The following WDFY3 variants were observed in gnomAD, a reference collection of about 807,000 sequenced individuals.
WDFY3 encodes the protein WD repeat and FYVE domain-containing protein 3.
WDFY3 carries 66 observed loss-of-function variants against 409.6 expected under a neutral mutation model. That is an observed-to-expected ratio of 0.16 (90% CI 0.13 to 0.20). WDFY3 has a LOEUF of 0.20. Among genes scored for constraint, WDFY3 ranks in the 10% least tolerant of loss-of-function variants. WDFY3 has a pLI of 1.00. For missense variants in WDFY3, 3,031 were observed against 4,298.1 expected (o/e 0.71, Z 8.24); for synonymous variants, 1,521 against 1,537.1 (o/e 0.99, Z 0.25).
At chr4:84,815,025 T>G (rs1753081541) in intron 13 of WDFY3, among the ~76,000 whole-genome samples, 1 of 152,096 alleles carries the variant, frequency 6.6e-6, no homozygotes, top group South Asian at 2.1e-4. Context: ...AACTTGTTTG[T>G]TTTTCTCTTG....
At chr4:84,742,086 C>T (rs1738535201) in intron 37 of WDFY3, among the ~76,000 whole-genome samples, 165 bp from the exon 38 acceptor site, 1 of 152,152 alleles carries the variant, frequency 6.6e-6, no homozygotes, top group African/African-American at 2.4e-5. Context: ...CATTCAATGG[C>T]CAGAAATCAG....
chr4:84,937,041 C>T (rs867451908), intron 1 of WDFY3, among the ~76,000 whole-genome samples: 26 of 152,132 alleles, frequency 1.7e-4, no homozygotes, highest in African/African-American at 5.3e-4. Flanking sequence ...TCCTTATATG[C>T]CTCTAGATGA....
intron 47 of WDFY3, 80 bp from the exon 48 acceptor site, chr4:84,718,650 A>C: frequency 2.0e-6 from 3 of 1,474,046 alleles, no homozygotes; most frequent in Non-Finnish European, 2.7e-6. Context: ...CGGCATCCCT[A>C]GAGCTAAGCA....
chr4:84,691,214 G>C (rs1414550829), intron 60 of WDFY3, among the ~76,000 whole-genome samples: 1 of 152,144 alleles, frequency 6.6e-6, no homozygotes, highest in African/African-American at 2.4e-5. Context: ...GTTGCTTCTT[G>C]TGGGATGGAG....
chr4:84,936,567 T>C (rs1331935188), intron 1 of WDFY3, among the ~76,000 whole-genome samples: 1 of 152,076 alleles, frequency 6.6e-6, no homozygotes, highest in Non-Finnish European at 1.5e-5. Flanking sequence ...AAAATTTTTT[T>C]CCAAATAGCC....
intron 13 of WDFY3, among the ~76,000 whole-genome samples, chr4:84,813,906 C>T (rs921843037): frequency 3.3e-5 from 5 of 152,040 alleles, no homozygotes; most frequent in Non-Finnish European, 5.9e-5. Flanking sequence ...AGATAAATTG[C>T]GGTGAGATTA....
At chr4:84,956,566 C>G (rs1774263660) in intron 1 of WDFY3, among the ~76,000 whole-genome samples, 1 of 152,144 alleles carries the variant, frequency 6.6e-6, no homozygotes, top group South Asian at 2.1e-4. Flanking sequence ...AAGAATCAAA[C>G]AACTGTAATT....
rs144062873 is a variant in WDFY3 at position 84,776,225 on chromosome 4, G to A, written c.4519-1087C>T. Among the ~76,000 whole-genome samples, 574 of 152,068 alleles carry A rather than the reference G, an allele frequency of 3.8e-3. 3 individuals carry two copies. Among genetic ancestry groups the A allele is most frequent in the African/African-American group, 0.013 (548 of 41,542 alleles). ...TTTATAAGGTATAATATTCTTCAAA[G>A]ATAGACTGAATTGTTTTAGATGCAC... On this transcript the variant is annotated intron_variant, in intron 27 of 67. Transcript: ENST00000295888.
intron 2 of WDFY3, among the ~76,000 whole-genome samples, chr4:84,910,569 G>A (rs1041312195): frequency 1.3e-5 from 2 of 152,052 alleles, no homozygotes; most frequent in Non-Finnish European, 2.9e-5. Context: ...TGGAGGAGAA[G>A]GCAGTCTCGT....
chr4:84,911,273 A>C (rs936086597), intron 2 of WDFY3, among the ~76,000 whole-genome samples: 1 of 152,096 alleles, frequency 6.6e-6, no homozygotes, highest in African/African-American at 2.4e-5. Context: ...GATCACTTGA[A>C]GCCAGGAGTT....
chr4:84,713,323 A>G (rs1733259338), intron 50 of WDFY3, 84 bp from the exon 51 acceptor site: 1 of 1,248,436 alleles, frequency 8.0e-7, no homozygotes, highest in Admixed American at 1.7e-5. Context: ...CGATTCGTTT[A>G]GATTTTCATA....
chr4:84,694,737 C>A (rs955384838), intron 58 of WDFY3, among the ~76,000 whole-genome samples: 3 of 151,710 alleles, frequency 2.0e-5, no homozygotes, highest in Non-Finnish European at 1.5e-5. Flanking sequence ...TCAAGACCAG[C>A]CTGGGCAACA....
intron 10 of WDFY3, among the ~76,000 whole-genome samples, chr4:84,821,990 A>T (rs984672771): frequency 6.6e-6 from 1 of 152,138 alleles, no homozygotes; most frequent in African/African-American, 2.4e-5. Flanking sequence ...ACAGGAGGGG[A>T]AAATTTTTCT....
intron 65 of WDFY3, among the ~76,000 whole-genome samples, chr4:84,678,718 G>A (rs771997518): frequency 2.7e-4 from 41 of 152,136 alleles, no homozygotes; most frequent in Non-Finnish European, 4.3e-4. Context: ...AAACACCATC[G>A]TAGGATAGAA....
intron 18 of WDFY3, among the ~76,000 whole-genome samples, chr4:84,797,091 T>G (rs927694565): frequency 2.6e-5 from 4 of 152,210 alleles, no homozygotes; most frequent in Non-Finnish European, 5.9e-5. Context: ...TTTTATTTCA[T>G]AAAACTATGA....
Position 84,803,375 on chromosome 4 carries a change from C to G in WDFY3, c.2522G>C (p.Ser841Thr). The G allele has an allele frequency of 6.2e-7, 1 of 1,614,112 alleles. No individual in the cohort carries two copies. Among genetic ancestry groups the G allele is most frequent in the Non-Finnish European group, 8.5e-7 (1 of 1,180,020 alleles). Residue 841 changes from serine (S) to threonine (T), a missense_variant, in exon 16 of 68, where the codon AGT becomes ACT. Physicochemically the swap from Ser to Thr is moderately conservative, Grantham distance 58. This residue lies in a region of WDFY3 where 1,322 missense variants were observed against 1,697.9 expected (regional missense o/e 0.78). Coordinates refer to ENST00000295888, the MANE Select transcript of WDFY3 (RefSeq NM_014991.6). Reference sequence around the variant, plus strand: ...AGGATGAATGATGACTGCATCAGAACTCTGCAGAGATGAAGTTGTCACATG... The same window carrying G: ...AGGATGAATGATGACTGCATCAGAAGTCTGCAGAGATGAAGTTGTCACATG... ...KLHVTTSSLQ[S>T]SDAVIIHPGA...
At chr4:84,930,028 C>A (rs748125514) in intron 2 of WDFY3, among the ~76,000 whole-genome samples, 5 of 152,098 alleles carry the variant, frequency 3.3e-5, no homozygotes, top group Non-Finnish European at 5.9e-5. Flanking sequence ...AAATCCTTCC[C>A]TCACAGGCCT....
At chr4:84,859,687 T>C (rs1354891955) in intron 4 of WDFY3, among the ~76,000 whole-genome samples, 1 of 152,206 alleles carries the variant, frequency 6.6e-6, no homozygotes, top group African/African-American at 2.4e-5. Flanking sequence ...GCGATTCTCC[T>C]GCCTCAGCCT....
intron 3 of WDFY3, among the ~76,000 whole-genome samples, chr4:84,894,520 C>T (rs1765357815): frequency 6.6e-6 from 1 of 152,046 alleles, no homozygotes; most frequent in Non-Finnish European, 1.5e-5. Context: ...GGCGTGGTGG[C>T]TCATGCCTGT....
Sources: gnomAD v4.1 joint callset for allele counts (sites outside exome capture counted in the v4.1 genomes callset) on GRCh38, gnomAD v4.1.1 for gene constraint, gnomAD v4.1.1 regional missense constraint, MANE v1.5 for transcripts, NCBI Gene and HGNC (gene_info 2026-07-23, HGNC 2026-07-21) for gene names.